The following ENKUR variants were observed in gnomAD, a reference collection of about 807,000 sequenced individuals.
ENKUR encodes enkurin.
Under a neutral mutation model 27.6 loss-of-function variants are expected in ENKUR, and 19 were observed. That is an observed-to-expected ratio of 0.69 (90% CI 0.48 to 1.01). The LOEUF (loss-of-function observed/expected upper bound fraction) is 1.01. Among genes scored for constraint, ENKUR ranks in the 50% least tolerant of loss-of-function variants. The probability of loss-of-function intolerance (pLI) is 0.00; values close to 1 mark genes in which losing one functional copy is unlikely to be tolerated. For synonymous variants in ENKUR, 117 were observed against 96.9 expected (o/e 1.21, Z -1.22); for missense variants, 312 against 310.5 (o/e 1.00, Z -0.04).
intron 2 of ENKUR, among the ~76,000 whole-genome samples, chr10:25,043,686 G>A (rs1201320240): frequency 2.6e-5 from 4 of 151,770 alleles, no homozygotes; most frequent in African/African-American, 7.3e-5. Flanking sequence ...TTTTCTTTTC[G>A]ATTCTCTTCT....
chr10:25,016,247 G>T (rs185115500), upstream of ENKUR: 4 of 990,242 alleles, frequency 4.0e-6, no homozygotes, highest in Non-Finnish European at 5.0e-6. Context: ...TTTCTGCAGC[G>T]CCTTCTGCTA....
intron 2 of ENKUR, chr10:25,024,781 G>T (rs1167944329): frequency 3.1e-6 from 5 of 1,614,022 alleles, no homozygotes; most frequent in Non-Finnish European, 4.2e-6. Context: ...AGCAGTGTAT[G>T]CCAAAATGAT....
In ENKUR at chr10:25,027,356, T is replaced by TAAAAAAAAAAAAAAAAAAAAAAAA. The variant is rs1564352066; in HGVS notation, c.38-31488_38-31487insTTTTTTTTTTTTTTTTTTTTTTTT. Among the ~76,000 whole-genome samples, 37 of 45,726 alleles carry TAAAAAAAAAAAAAAAAAAAAAAAA rather than the reference T, an allele frequency of 8.1e-4. 6 individuals are homozygous for TAAAAAAAAAAAAAAAAAAAAAAAA. The highest frequency in any genetic ancestry group is 1.1e-3 in the Non-Finnish European group (31 of 27,672). 30.0% of individuals were successfully genotyped at this position (45,726 alleles called of 152,430 possible). ...TGGGTGACAGAGCAAGACTCCCGTC[T>TAAAAAAAAAAAAAAAAAAAAAAAA]CAAAAAAAAAAAAAAAAAAAAAAAA... On this transcript the variant is annotated intron_variant, in intron 2 of 5. Transcript: ENST00000615958.
At chr10:24,992,894 A>T (rs1452923920) in intron 3 of ENKUR, among the ~76,000 whole-genome samples, 1 of 152,206 alleles carries the variant, frequency 6.6e-6, no homozygotes, top group Admixed American at 6.5e-5. Context: ...ACTTCAGGAA[A>T]CACTGAAGGA....
intron 4 of ENKUR, among the ~76,000 whole-genome samples, chr10:24,988,250 ATGTGTATATATATATTTATATATATG>A (rs1564334417): frequency 7.1e-6 from 1 of 140,292 alleles, no homozygotes; most frequent in Non-Finnish European, 1.5e-5. Context: ...ATATATATAT[ATGTGTATATATATATTTATATATATG>A]TGTATATATA....
intron 2 of ENKUR, chr10:25,023,442 A>T (rs1246888620): frequency 6.2e-7 from 1 of 1,614,064 alleles, no homozygotes; most frequent in Non-Finnish European, 8.5e-7. Context: ...CAGTAGGCAG[A>T]ATAATAGGTC....
At chr10:25,049,917 A>G (rs1427366007) in intron 2 of ENKUR, among the ~76,000 whole-genome samples, 2 of 152,130 alleles carry the variant, frequency 1.3e-5, no homozygotes, top group Non-Finnish European at 2.9e-5. Flanking sequence ...GTAATTTATA[A>G]GGAAAAGAGG....
At chr10:24,987,864 C>T (rs1849812749) in intron 4 of ENKUR, among the ~76,000 whole-genome samples, 1 of 151,944 alleles carries the variant, frequency 6.6e-6, no homozygotes, top group Admixed American at 6.6e-5. Context: ...GTACAGTATC[C>T]CTCTGGCTGG....
At chr10:25,024,824 C>G (rs777569581) in intron 2 of ENKUR, 1 of 1,614,136 alleles carries the variant, frequency 6.2e-7, no homozygotes, top group Non-Finnish European at 8.5e-7. Context: ...ATCTGTGCCT[C>G]TAATCAGAAC....
intron 1 of ENKUR, among the ~76,000 whole-genome samples, chr10:25,007,200 T>C (rs1850331407): frequency 6.6e-6 from 1 of 152,178 alleles, no homozygotes; most frequent in Non-Finnish European, 1.5e-5. Flanking sequence ...ATACAATATA[T>C]TGTTAGTATT....
chr10:25,048,913 T>C (rs1339979512), intron 2 of ENKUR, among the ~76,000 whole-genome samples: 1 of 151,828 alleles, frequency 6.6e-6, no homozygotes, highest in Non-Finnish European at 1.5e-5. Flanking sequence ...TCCAATGTTA[T>C]GGGGAAAAGG....
At chr10:25,024,245 AG>A in intron 2 of ENKUR, 1 of 1,614,180 alleles carries the variant, frequency 6.2e-7, no homozygotes, top group South Asian at 1.1e-5. Flanking sequence ...TTCATCCTGG[AG>A]TTGTTTCATG....
At chr10:25,043,100 T>C (rs745651561) in intron 2 of ENKUR, among the ~76,000 whole-genome samples, 5 of 152,150 alleles carry the variant, frequency 3.3e-5, no homozygotes, top group Non-Finnish European at 5.9e-5. Context: ...GCACCAAAAT[T>C]AGGTTTGAAA....
chr10:24,984,453 T>A lies in ENKUR; in HGVS notation c.765-77A>T. The A allele has an allele frequency of 5.5e-6, 8 of 1,451,360 alleles. 1 individual carries two copies. The South Asian group carries it at 1.0e-4, about 18-fold the overall frequency. 89.9% of individuals were successfully genotyped at this position (1,451,360 alleles called of 1,614,324 possible). ...CAGGACCTAGAAATTAATGTTTATG[T>A]GAAACAAGTACATAATAATAATGAA... On this transcript the variant is annotated intron_variant, in intron 5 of 5. Coordinates refer to ENST00000331161, the MANE Select transcript of ENKUR (RefSeq NM_145010.4).
upstream of ENKUR, among the ~76,000 whole-genome samples, chr10:25,017,975 CTA>C (rs1192233422): frequency 6.6e-6 from 1 of 152,204 alleles, no homozygotes; most frequent in East Asian, 1.9e-4. Flanking sequence ...CACCTTGAGA[CTA>C]TTTGTGTTAA....
At chr10:24,993,056 C>G (rs905290797) in intron 3 of ENKUR, among the ~76,000 whole-genome samples, 3 of 152,152 alleles carry the variant, frequency 2.0e-5, no homozygotes, top group African/African-American at 7.2e-5. Flanking sequence ...CACTTTGGGA[C>G]AGCTAGGCAG....
chr10:25,008,296 T>A (rs185771049), intron 1 of ENKUR, among the ~76,000 whole-genome samples: 4 of 152,156 alleles, frequency 2.6e-5, no homozygotes, highest in Admixed American at 2.6e-4. Flanking sequence ...TATAAGTTAA[T>A]TAAAAAGGGT....
chr10:25,028,841 A>G (rs1850900899), intron 2 of ENKUR, among the ~76,000 whole-genome samples: 2 of 152,164 alleles, frequency 1.3e-5, no homozygotes, highest in Admixed American at 1.3e-4. Context: ...TCCAGCTGTA[A>G]CTACATCATA....
chr10:25,047,272 C>T (rs566637631), intron 2 of ENKUR, among the ~76,000 whole-genome samples: 3 of 152,128 alleles, frequency 2.0e-5, no homozygotes, highest in Non-Finnish European at 4.4e-5. Flanking sequence ...GCGTGTGAGG[C>T]CACTGGAAAA....
Sources: gnomAD v4.1 joint callset for allele counts (sites outside exome capture counted in the v4.1 genomes callset) on GRCh38, gnomAD v4.1.1 for gene constraint, MANE v1.5 for transcripts, NCBI Gene and HGNC (gene_info 2026-07-23, HGNC 2026-07-21) for gene names.